Variants in CDK14 observed in about 807,000 individuals in gnomAD.
CDK14 encodes cyclin dependent kinase 14, also known as cyclin-dependent kinase 14.
A neutral mutation model predicts 60.7 loss-of-function variants in CDK14; 34 were observed. That is an observed-to-expected ratio of 0.56 (90% CI 0.43 to 0.75). CDK14 has a LOEUF of 0.75. Among genes scored for constraint, CDK14 ranks in the 30% least tolerant of loss-of-function variants. CDK14 has a pLI of 0.00. For missense variants in CDK14, 482 were observed against 564.1 expected (o/e 0.85, Z 1.47); for synonymous variants, 197 against 203.7 (o/e 0.97, Z 0.28).
chr7:90,999,097 A>T (rs1172888177), intron 10 of CDK14, among the ~76,000 whole-genome samples: 1 of 151,998 alleles, frequency 6.6e-6, no homozygotes, highest in Non-Finnish European at 1.5e-5. Context: ...GGGGGAGTTT[A>T]TCTAGTTCTA....
chr7:90,840,909 ACATTG>A (rs1415658436), intron 5 of CDK14, among the ~76,000 whole-genome samples: 101 of 12,960 alleles, frequency 7.8e-3, no homozygotes, highest in African/African-American at 0.031. Context: ...TTTTTCATTG[ACATTG>A]TGTCTGTTTA....
At chr7:91,204,614 T>G (rs533284977) in intron 14 of CDK14, among the ~76,000 whole-genome samples, 1 of 152,202 alleles carries the variant, frequency 6.6e-6, no homozygotes, top group South Asian at 2.1e-4. Context: ...AATAGACATT[T>G]CTCCAAAGAA....
intron 10 of CDK14, among the ~76,000 whole-genome samples, chr7:91,031,393 CTTAGCAATGTAATGTT>C (rs1298529524): frequency 6.6e-6 from 1 of 151,676 alleles, no homozygotes; most frequent in East Asian, 1.9e-4. Flanking sequence ...TTGGACGAAT[CTTAGCAATGTAATGTT>C]AAGTGAAAAA....
chr7:90,665,283 CATAA>C lies in CDK14; in HGVS notation c.123+61055_123+61058del, dbSNP rs58390868. On this transcript the variant is annotated intron_variant, in intron 2 of 14. Transcript: ENST00000380050. ...CCGGCAACAGAGTGAGACACTGTCT[CATAA>C]ATAAATAAATAAATAAATAATAAAA... 2.3e-4 allele frequency among the ~76,000 whole-genome samples: 35 copies of C among 150,278 alleles called. No individual in the cohort carries two copies. The East Asian group carries it at 3.0e-3, about 13-fold the overall frequency.
intron 1 of CDK14, chr7:90,597,343 A>G (rs1453620945): frequency 6.6e-6 from 1 of 152,440 alleles, no homozygotes; most frequent in Non-Finnish European, 1.5e-5. Flanking sequence ...AACTTGTTCC[A>G]TTTAATAGAG....
intron 5 of CDK14, among the ~76,000 whole-genome samples, chr7:90,862,853 A>G (rs1018482922): frequency 6.6e-6 from 1 of 152,160 alleles, no homozygotes; most frequent in Admixed American, 6.5e-5. Flanking sequence ...ATGACAGGTA[A>G]AATAACTGAA....
chr7:90,657,948 G>A (rs1800784514), intron 2 of CDK14, among the ~76,000 whole-genome samples: 1 of 152,130 alleles, frequency 6.6e-6, no homozygotes, highest in African/African-American at 2.4e-5. Flanking sequence ...CTTCTGTTTT[G>A]CCATAAGATC....
chr7:90,673,509 C>T (rs1001087054), intron 2 of CDK14, among the ~76,000 whole-genome samples: 2 of 148,780 alleles, frequency 1.3e-5, no homozygotes, highest in Non-Finnish European at 1.5e-5. Context: ...GCAGCCTCAA[C>T]CCCTTGGGCT....
chr7:91,175,770 A>G (rs1392849970), intron 14 of CDK14, among the ~76,000 whole-genome samples: 1 of 147,916 alleles, frequency 6.8e-6, no homozygotes, highest in African/African-American at 2.5e-5. Flanking sequence ...TATCCTAAAT[A>G]TATATGCACC....
intron 4 of CDK14, among the ~76,000 whole-genome samples, chr7:90,779,387 G>A (rs552370370): frequency 6.6e-6 from 1 of 152,230 alleles, no homozygotes; most frequent in South Asian, 2.1e-4. Context: ...TAAGTAGCTG[G>A]GACTACAGGC....
intron 5 of CDK14, among the ~76,000 whole-genome samples, chr7:90,796,820 G>A (rs530685825): frequency 6.6e-5 from 10 of 151,964 alleles, no homozygotes; most frequent in Middle Eastern, 3.4e-3. Context: ...AGAGTTTAGC[G>A]TAAGTAGTAT....
chr7:91,083,235 A>G (rs1313851103), intron 12 of CDK14, among the ~76,000 whole-genome samples: 1 of 152,084 alleles, frequency 6.6e-6, no homozygotes, highest in Admixed American at 6.6e-5. Context: ...CATCACTATT[A>G]AATGTTTGAG....
intron 14 of CDK14, among the ~76,000 whole-genome samples, chr7:91,167,453 A>G (rs1801380514): frequency 1.3e-5 from 2 of 152,218 alleles, no homozygotes; most frequent in South Asian, 4.1e-4. Context: ...CTCTCCTGGA[A>G]AGTGCTTTGG....
intron 14 of CDK14, among the ~76,000 whole-genome samples, chr7:91,201,049 T>A (rs1198794585): frequency 6.6e-6 from 1 of 152,208 alleles, no homozygotes; most frequent in Non-Finnish European, 1.5e-5. Context: ...ATTTCCTTTT[T>A]GAAAGCATGT....
intron 2 of CDK14, among the ~76,000 whole-genome samples, chr7:90,685,227 A>G (rs577389857): frequency 6.6e-6 from 1 of 151,980 alleles, no homozygotes; most frequent in African/African-American, 2.4e-5. Flanking sequence ...TGAATAATCC[A>G]TCTTTTCCCC....
chr7:90,712,073 T>C (rs1802084096), intron 2 of CDK14, among the ~76,000 whole-genome samples: 1 of 151,998 alleles, frequency 6.6e-6, no homozygotes, highest in South Asian at 2.1e-4. Flanking sequence ...GGCAAGTTTT[T>C]TTTTTTCATT....
At chr7:91,022,227 G>A (rs1796451117) in intron 10 of CDK14, among the ~76,000 whole-genome samples, 1 of 152,198 alleles carries the variant, frequency 6.6e-6, no homozygotes, top group Non-Finnish European at 1.5e-5. Context: ...CCAAGAGGCA[G>A]CTTCAGTAGT....
intron 14 of CDK14, among the ~76,000 whole-genome samples, chr7:91,134,347 C>T (rs1257785851): frequency 6.6e-6 from 1 of 152,134 alleles, no homozygotes; most frequent in African/African-American, 2.4e-5. Flanking sequence ...ATCTCCTGAT[C>T]ATGGCATTGT....
At chr7:90,762,721 C>T (rs187952748) in intron 4 of CDK14, among the ~76,000 whole-genome samples, 3 of 152,306 alleles carry the variant, frequency 2.0e-5, no homozygotes, top group Admixed American at 6.5e-5. Context: ...TGTGGTGGCT[C>T]ACCCTTATAA....
Sources: gnomAD v4.1 joint callset for allele counts (sites outside exome capture counted in the v4.1 genomes callset) on GRCh38, gnomAD v4.1.1 for gene constraint, MANE v1.5 for transcripts, NCBI Gene and HGNC (gene_info 2026-07-23, HGNC 2026-07-21) for gene names.